Variants in ANKRD46 observed in about 807,000 individuals in gnomAD.
The protein encoded by ANKRD46 is ankyrin repeat domain-containing protein 46.
In ANKRD46, 13 loss-of-function variants were observed where a neutral mutation model predicts 19.8. That is an observed-to-expected ratio of 0.66 (90% confidence interval 0.43 to 1.04). ANKRD46 has a LOEUF of 1.04. Among genes scored for constraint, ANKRD46 ranks in the 50% least tolerant of loss-of-function variants. The pLI is 0.00. For synonymous variants in ANKRD46, 91 were observed against 106.9 expected (o/e 0.85, Z 0.92); for missense variants, 185 against 274.8 (o/e 0.67, Z 2.31).
At position 100,543,435 on chromosome 8, in the gene ANKRD46, G is replaced by T. The variant is rs141127969; in HGVS notation, c.-130-10124C>A. Among the ~76,000 whole-genome samples, 20 of 152,272 alleles carry T rather than the reference G, an allele frequency of 1.3e-4. No individual in the cohort carries two copies. The highest frequency in any genetic ancestry group is 4.6e-4 in the African/African-American group (19 of 41,568). On this transcript the variant is annotated intron_variant, in intron 1 of 4. Coordinates refer to ENST00000335659, the MANE Select transcript of ANKRD46 (RefSeq NM_001270377.2). This position sits in a 1 kb window ranked among gnomAD's most constrained non-coding sequence, Gnocchi z 4.2. ...CAATTTTCTAAATGACTTGTAGATAGGAGCAGGACACAATATAAAACTGTT... is the reference window on the plus strand; with the variant it reads ...CAATTTTCTAAATGACTTGTAGATATGAGCAGGACACAATATAAAACTGTT...
intron 3 of ANKRD46, among the ~76,000 whole-genome samples, chr8:100,528,989 T>C (rs1426124955): frequency 6.6e-6 from 1 of 152,226 alleles, no homozygotes; most frequent in African/African-American, 2.4e-5. Flanking sequence ...CGGGAGATTA[T>C]GAAGCTCACA....
rs1811714052 is a variant in ANKRD46 at position 100,521,044 on chromosome 8, C to G, written c.*1511G>C. On this transcript the variant is annotated 3_prime_UTR_variant, in exon 5 of 5. Coordinates refer to ENST00000335659, the MANE Select transcript of ANKRD46 (RefSeq NM_001270377.2). ...CTGGATTTACACCAACTATGATTTA[C>G]TTTGTTTGTATCTAACCTAAAAGCA... 1 of 985,026 alleles carries G rather than the reference C, an allele frequency of 1.0e-6. No individual in the cohort carries two copies. The highest frequency in any genetic ancestry group is 6.2e-5 in the Admixed American group (1 of 16,226). 61.0% of individuals were successfully genotyped at this position (985,026 alleles called of 1,614,324 possible).
intron 2 of ANKRD46, 54 bp downstream of exon 2, chr8:100,533,155 A>C (rs1297235139): frequency 6.6e-6 from 1 of 152,240 alleles, no homozygotes; most frequent in African/African-American, 2.4e-5. Context: ...GTCCTAAAGC[A>C]GTTCACTGAA....
At chr8:100,530,596 G>A (rs1315138426) in intron 2 of ANKRD46, among the ~76,000 whole-genome samples, 1 of 152,164 alleles carries the variant, frequency 6.6e-6, no homozygotes, top group African/African-American at 2.4e-5. Context: ...TGTTGGCCAG[G>A]CTGGTCTTGA....
Position 100,514,617 on chromosome 8 carries a change from C to CTTTTTTTTTTTTTTTT in ANKRD46, c.637-3994_637-3979dup, listed in dbSNP as rs35216029. On this transcript the variant is annotated intron_variant, in intron 5 of 5. Transcript: ENST00000520552. ...TGAGTGTGGGTTATTCCTCCATCTT[C>CTTTTTTTTTTTTTTTT]TTTTTTTTTTTTTTTTTTTTTTGAG... is the stretch of plus-strand genomic sequence containing the variant. Among the ~76,000 whole-genome samples, 145 of 74,054 alleles carry CTTTTTTTTTTTTTTTT rather than the reference C, an allele frequency of 2.0e-3. 33 individuals are homozygous for CTTTTTTTTTTTTTTTT. Among genetic ancestry groups the CTTTTTTTTTTTTTTTT allele is most frequent in the African/African-American group, 6.3e-3 (112 of 17,834 alleles). The allele number at this position is 74,054 out of a possible 152,430, so 48.6% of individuals were successfully genotyped here.
chr8:100,527,835 T>A lies in ANKRD46; in HGVS notation c.470+10A>T. The stretch of plus-strand genomic sequence containing the variant: ...ATACAGTGAGAAAAAAAAAGTTGTA[T>A]CTCCAGTACCTTTCACTCTCAGCTG... On this transcript the variant is annotated intron_variant, in intron 4 of 4. Transcript: ENST00000335659. This position sits in a 1 kb window ranked among gnomAD's most constrained non-coding sequence, Gnocchi z 4.0. 1.2e-6 allele frequency: 2 copies of A among 1,604,502 alleles called. No homozygotes were observed. Among genetic ancestry groups the A allele is most frequent in the Non-Finnish European group, 1.7e-6 (2 of 1,176,436 alleles).
At chr8:100,538,504 T>C (rs1489962051) in intron 1 of ANKRD46, among the ~76,000 whole-genome samples, 2 of 152,162 alleles carry the variant, frequency 1.3e-5, no homozygotes, top group Non-Finnish European at 2.9e-5. Flanking sequence ...AAATACCATA[T>C]CATTCTGTAC....
In ANKRD46 at chr8:100,527,846, T is replaced by C. The variant is rs1160600719; in HGVS notation, c.469A>G (p.Ser157Gly). The C allele has an allele frequency of 6.2e-7, 1 of 1,612,488 alleles. No homozygotes were observed. The highest frequency in any genetic ancestry group is 8.5e-7 in the Non-Finnish European group (1 of 1,179,482). The change falls in exon 4 of 5, where the codon AGT (serine) becomes GGT (glycine). Residue 157 changes from serine (S) to glycine (G), a missense_variant and splice_region_variant. Ser to Gly is a moderately conservative substitution (Grantham distance 56, BLOSUM62 0). Transcript: ENST00000335659. This position sits in a 1 kb window ranked among gnomAD's most constrained non-coding sequence, Gnocchi z 4.0. ...AAAAAAAAGTTGTATCTCCAGTACC[T>C]TTCACTCTCAGCTGTTTGCATGGTC... is the stretch of plus-strand genomic sequence containing the variant. ...LETMQTAESESAMESHSLLNP... is the reference protein window; with the variant it reads ...LETMQTAESEGAMESHSLLNP...
At position 100,521,202 on chromosome 8, in the gene ANKRD46, G is replaced by T. The variant is rs1459127096; in HGVS notation, c.*1353C>A. On this transcript the variant is annotated 3_prime_UTR_variant, in exon 5 of 5. Coordinates refer to ENST00000335659, the MANE Select transcript of ANKRD46 (RefSeq NM_001270377.2). ...TAGATACAAGAGAAAATACCAAGAA[G>T]CAAAAAGAATCACAGAAATACCAAT... 1 of 984,622 alleles carries T rather than the reference G, an allele frequency of 1.0e-6. No homozygotes were observed. Among genetic ancestry groups the T allele is most frequent in the Non-Finnish European group, 1.2e-6 (1 of 829,800 alleles). 61.0% of individuals were successfully genotyped at this position (984,622 alleles called of 1,614,324 possible).
At chr8:100,518,700 A>C (rs6996671), downstream of ANKRD46, among the ~76,000 whole-genome samples, 38,229 of 151,786 alleles carry the variant, frequency 0.25, 6,213 homozygotes, top group Middle Eastern at 0.36. Context: ...AAAATACAAA[A>C]AATTAGCTGG....
chr8:100,556,987 T>A (rs1430288859), intron 1 of ANKRD46: 1 of 152,098 alleles, frequency 6.6e-6, no homozygotes, highest in East Asian at 1.9e-4. Context: ...GGGTAGCCAA[T>A]CTTTTGGCTT....
chr8:100,522,834 C>A, intron 4 of ANKRD46, 63 bp from the exon 5 acceptor site: 1 of 1,343,022 alleles, frequency 7.4e-7, no homozygotes. Context: ...AAACATAAAA[C>A]CACAGGGCTA....
rs59521764 is a variant in ANKRD46 at position 100,555,722 on chromosome 8, T to TAAAAAAAAAAAAAAAAAAA, written c.-131+3970_-131+3988dup. On this transcript the variant is annotated intron_variant, in intron 1 of 4. Transcript: ENST00000335659. The stretch of plus-strand genomic sequence containing the variant: ...GCACCAACTTAATATTTTCCTCAGC[T>TAAAAAAAAAAAAAAAAAAA]AAAAAAAAAAAAAAAAAAAAAAAAA... Among the ~76,000 whole-genome samples the TAAAAAAAAAAAAAAAAAAA allele has an allele frequency of 1.7e-4, 9 of 53,306 alleles. 2 individuals are homozygous for TAAAAAAAAAAAAAAAAAAA. Among genetic ancestry groups the TAAAAAAAAAAAAAAAAAAA allele is most frequent in the Non-Finnish European group, 3.0e-4 (9 of 30,378 alleles). 35.0% of individuals were successfully genotyped at this position (53,306 alleles called of 152,430 possible). A position where few individuals can be genotyped will look rare whatever the true frequency, so the allele number is the denominator to read the frequency against.
In ANKRD46 at chr8:100,550,929, C is replaced by A; in HGVS notation, c.-131+8782G>T. On this transcript the variant is annotated intron_variant, in intron 1 of 4. Transcript: ENST00000335659. This position sits in a 1 kb window ranked among gnomAD's most constrained non-coding sequence, Gnocchi z 4.4. ...GATGCCCTTGAGGGGCCCTCTGACG[C>A]CTGCTTCACCACCTTTTTGATGTCA... The A allele has an allele frequency of 1.7e-6, 1 of 601,230 alleles. No individual in the cohort carries two copies. The highest frequency in any genetic ancestry group is 2.0e-5 in the Admixed American group (1 of 50,096). 37.2% of individuals were successfully genotyped at this position (601,230 alleles called of 1,614,324 possible).
intron 2 of ANKRD46, among the ~76,000 whole-genome samples, chr8:100,530,165 T>A (rs1482506059): frequency 6.6e-6 from 1 of 152,248 alleles, no homozygotes; most frequent in African/African-American, 2.4e-5. Flanking sequence ...TAGATTTAAG[T>A]ATTACATTGT....
At chr8:100,549,300 A>G (rs993849036) in intron 1 of ANKRD46, among the ~76,000 whole-genome samples, 8 of 152,176 alleles carry the variant, frequency 5.3e-5, no homozygotes, top group Admixed American at 1.3e-4. Flanking sequence ...AATGTTCAAC[A>G]CATTTGAAGT....
At position 100,528,288 on chromosome 8, in the gene ANKRD46, C is replaced by T. The variant is rs1322517288; in HGVS notation, c.312-285G>A. ...CCGTTATCCTGTTAACCAAACACGT[C>T]CCCCACCTCCAGACCCCATCCTCAC... On this transcript the variant is annotated intron_variant, in intron 3 of 4. Transcript: ENST00000335659. Among the ~76,000 whole-genome samples the T allele has an allele frequency of 2.6e-5, 4 of 152,154 alleles. No individual in the cohort carries two copies. The East Asian group carries it at 5.8e-4, about 22-fold the overall frequency.
In ANKRD46 at chr8:100,545,899, T is replaced by A. The variant is rs1408608224; in HGVS notation, c.-130-12588A>T. Among the ~76,000 whole-genome samples the A allele has an allele frequency of 6.6e-6, 1 of 152,178 alleles. No individual in the cohort carries two copies. Among genetic ancestry groups the A allele is most frequent in the East Asian group, 1.9e-4 (1 of 5,204 alleles). ...AAAAAGACTGGTGGCATTTTGCCCC[T>A]GACCTAGAGATCTGCGGAACTTTGA... On this transcript the variant is annotated intron_variant, in intron 1 of 4. Coordinates refer to ENST00000335659, the MANE Select transcript of ANKRD46 (RefSeq NM_001270377.2). The surrounding 1 kb of genome is among the most constrained non-coding windows in gnomAD (Gnocchi z 4.7).
intron 4 of ANKRD46, among the ~76,000 whole-genome samples, chr8:100,523,621 T>A (rs1811777894): frequency 6.6e-6 from 1 of 152,152 alleles, no homozygotes; most frequent in Non-Finnish European, 1.5e-5. Context: ...CTGTTGTACA[T>A]GTGGACTCGT....
Sources: gnomAD v4.1 joint callset for allele counts (sites outside exome capture counted in the v4.1 genomes callset) on GRCh38, gnomAD v4.1.1 for gene constraint, Gnocchi (gnomAD v3.1) non-coding constraint, MANE v1.5 for transcripts, NCBI Gene and HGNC (gene_info 2026-07-23, HGNC 2026-07-21) for gene names.